STARD13: variants seen among roughly 807,000 people sequenced by gnomAD.
The protein encoded by STARD13 is stAR-related lipid transfer protein 13.
Under a neutral mutation model 106.4 loss-of-function variants are expected in STARD13, and 62 were observed. The observed-to-expected ratio is 0.58, with a 90% confidence interval of 0.48 to 0.72. The LOEUF is 0.72. Among genes scored for constraint, STARD13 ranks in the 30% least tolerant of loss-of-function variants. The pLI is 0.00. For missense variants in STARD13, 1,387 were observed against 1,424.0 expected, an observed-to-expected ratio of 0.97 and a Z score of 0.42; for synonymous variants, 565 against 553.0, an observed-to-expected ratio of 1.02 and a Z score of -0.31.
At position 33,118,160 on chromosome 13, in the gene STARD13, T is replaced by C; in HGVS notation, c.2186A>G (p.Tyr729Cys). ...CTGTTTCACCATATCCGCCACATCATAAGCAGACTGGTCTTCATAGTTGAC... is the reference window on the plus strand; with the variant it reads ...CTGTTTCACCATATCCGCCACATCACAAGCAGACTGGTCTTCATAGTTGAC... The part of the protein sequence containing the change: ...ENVNYEDQSA[Y>C]DVADMVKQFF... Residue 729 changes from tyrosine to cysteine, a missense_variant, in exon 8 of 14, where the codon TAT becomes TGT. Tyr to Cys is a radical substitution (Grantham distance 194). Coordinates refer to ENST00000336934, the MANE Select transcript of STARD13 (RefSeq NM_178006.4). 2 of 1,614,244 alleles carry C rather than the reference T, an allele frequency of 1.2e-6. No individual in the cohort carries two copies. Among genetic ancestry groups the C allele is most frequent in the Non-Finnish European group, 1.7e-6 (2 of 1,180,050 alleles).
At chr13:33,596,040 C>A in the STARD13 span, among the ~76,000 whole-genome samples, 1 of 152,186 alleles carries the variant, frequency 6.6e-6, no homozygotes, top group African/African-American at 2.4e-5. Flanking sequence ...AACTGACTAA[C>A]TTCCAGGAGA....
chr13:33,614,309 T>C, the STARD13 span, among the ~76,000 whole-genome samples: 1 of 72,854 alleles, frequency 1.4e-5, no homozygotes, highest in Non-Finnish European at 2.9e-5. Flanking sequence ...CTTGGAAAAT[T>C]GGAATTAGAG....
chr13:33,579,942 G>T, the STARD13 span, among the ~76,000 whole-genome samples: 1 of 151,992 alleles, frequency 6.6e-6, no homozygotes, highest in African/African-American at 2.4e-5. Context: ...AGTAACAAGT[G>T]GTCTCATTCA....
chr13:33,366,335 ATGTT>A, the STARD13 span, among the ~76,000 whole-genome samples: 1 of 152,182 alleles, frequency 6.6e-6, no homozygotes, highest in African/African-American at 2.4e-5. The surrounding 1 kb of genome is among the most constrained non-coding windows in gnomAD (Gnocchi z 4.2). Flanking sequence ...GATAGCCAGT[ATGTT>A]TGTTTTTAGA....
At chr13:33,185,197 C>G (rs965483200) in intron 1 of STARD13, among the ~76,000 whole-genome samples, 1 of 152,168 alleles carries the variant, frequency 6.6e-6, no homozygotes, top group Non-Finnish European at 1.5e-5. Flanking sequence ...ACCCAGGTAT[C>G]TGCCCTTAAA....
the STARD13 span, among the ~76,000 whole-genome samples, chr13:33,447,967 T>G: frequency 6.6e-6 from 1 of 152,146 alleles, no homozygotes; most frequent in Non-Finnish European, 1.5e-5. Flanking sequence ...ACCTTAAAGT[T>G]AGTGAAAGAG....
the STARD13 span, among the ~76,000 whole-genome samples, chr13:33,608,646 GT>G: frequency 6.6e-6 from 1 of 152,054 alleles, no homozygotes; most frequent in African/African-American, 2.4e-5. Flanking sequence ...GTGTAGAACA[GT>G]TCATTACATA....
chr13:33,432,424 C>T, the STARD13 span, among the ~76,000 whole-genome samples: 3 of 152,044 alleles, frequency 2.0e-5, no homozygotes, highest in South Asian at 2.1e-4. Flanking sequence ...ATGAAAGGGT[C>T]CACATTCTCA....
At chr13:33,247,725 G>A (rs1012389077) in intron 1 of STARD13, among the ~76,000 whole-genome samples, 2 of 152,094 alleles carry the variant, frequency 1.3e-5, no homozygotes, top group Admixed American at 1.3e-4. Context: ...ACTTGTAAGT[G>A]CTGGAACCGT....
intron 7 of STARD13, among the ~76,000 whole-genome samples, chr13:33,122,090 C>A (rs1876419681): frequency 6.6e-6 from 1 of 152,202 alleles, no homozygotes; most frequent in South Asian, 2.1e-4. Flanking sequence ...AGGTGATTCA[C>A]CAGCTTCGGC....
At chr13:33,121,193 C>A (rs1257802183) in intron 7 of STARD13, among the ~76,000 whole-genome samples, 1 of 152,196 alleles carries the variant, frequency 6.6e-6, no homozygotes, top group Non-Finnish European at 1.5e-5. Flanking sequence ...ATCCTGAGAC[C>A]AGAAGAAGAG....
chr13:33,270,482 T>A (rs1342159824), intron 1 of STARD13, among the ~76,000 whole-genome samples: 1 of 152,184 alleles, frequency 6.6e-6, no homozygotes, highest in African/African-American at 2.4e-5. Context: ...TCCATTTGAA[T>A]TGATTTCACA....
chr13:33,280,045 T>C (rs1271014838), intron 1 of STARD13: 2 of 152,114 alleles, frequency 1.3e-5, no homozygotes, highest in East Asian at 1.9e-4. Context: ...CTGTGTTCCA[T>C]CTGTCTTTCT....
intron 1 of STARD13, among the ~76,000 whole-genome samples, chr13:33,193,774 A>G (rs1886420138): frequency 6.6e-6 from 1 of 152,212 alleles, no homozygotes; most frequent in Admixed American, 6.5e-5. Context: ...AACTTGGAGG[A>G]CAGGAGAGAG....
intron 1 of STARD13, among the ~76,000 whole-genome samples, chr13:33,200,079 T>C (rs1886908811): frequency 6.6e-6 from 1 of 152,254 alleles, no homozygotes; most frequent in African/African-American, 2.4e-5. Flanking sequence ...TAGGATCCTC[T>C]TGCCCTTTGC....
chr13:33,325,664 G>C (rs900358935), intron 1 of STARD13, among the ~76,000 whole-genome samples: 2 of 152,116 alleles, frequency 1.3e-5, no homozygotes, highest in Non-Finnish European at 2.9e-5. Context: ...AAGTCATCTT[G>C]AGTCCTGTGA....
chr13:33,404,425 A>T, the STARD13 span, among the ~76,000 whole-genome samples: 1 of 152,236 alleles, frequency 6.6e-6, no homozygotes, highest in Non-Finnish European at 1.5e-5. Flanking sequence ...CTAATGGAAG[A>T]AATCAAGGGC....
intron 1 of STARD13, among the ~76,000 whole-genome samples, chr13:33,308,544 T>G (rs1229524145): frequency 1.7e-5 from 2 of 117,866 alleles, no homozygotes; most frequent in Admixed American, 9.5e-5. Context: ...TTTTTTTGAG[T>G]TTGAGTTTCG....
intron 1 of STARD13, among the ~76,000 whole-genome samples, chr13:33,177,707 G>A (rs1271995227): frequency 6.7e-6 from 1 of 148,290 alleles, no homozygotes; most frequent in East Asian, 2.0e-4. Flanking sequence ...AAGTAATGGA[G>A]GAAGGGAGGA....
Sources: allele counts gnomAD v4.1 joint callset (sites outside exome capture counted in the v4.1 genomes callset), GRCh38; gene constraint gnomAD v4.1.1; non-coding constraint Gnocchi (gnomAD v3.1); transcripts MANE v1.5; gene names NCBI Gene and HGNC (gene_info 2026-07-23, HGNC 2026-07-21).